Variants in MAGI2 observed in about 807,000 individuals in gnomAD.
MAGI2 encodes membrane associated guanylate kinase, WW and PDZ domain containing 2.
Under a neutral mutation model 133.3 loss-of-function variants are expected in MAGI2, and 35 were observed. The ratio of observed to expected loss-of-function variants is 0.26; its 90% confidence interval spans 0.20 to 0.35. MAGI2 has a LOEUF of 0.35. MAGI2 is among the 10% of genes least tolerant of loss of function. The pLI is 1.00. For synonymous variants in MAGI2, 729 were observed against 710.6 expected, an observed-to-expected ratio of 1.03 and a Z score of -0.41; for missense variants, 1,636 against 1,863.4, an observed-to-expected ratio of 0.88 and a Z score of 2.25.
intron 2 of MAGI2, among the ~76,000 whole-genome samples, chr7:78,801,488 G>C (rs568310027): frequency 4.6e-5 from 7 of 152,140 alleles, no homozygotes; most frequent in Admixed American, 2.6e-4. Context: ...ATAATGTACT[G>C]TCTACCAACC....
chr7:78,947,827 T>C (rs1340087773), intron 2 of MAGI2, among the ~76,000 whole-genome samples: 1 of 152,102 alleles, frequency 6.6e-6, no homozygotes, highest in Non-Finnish European at 1.5e-5. Flanking sequence ...GTTTGTTAGG[T>C]CAACTTGCTG....
intron 16 of MAGI2, among the ~76,000 whole-genome samples, chr7:78,149,143 C>T (rs554120361): frequency 1.3e-5 from 2 of 152,246 alleles, no homozygotes; most frequent in East Asian, 3.9e-4. Flanking sequence ...CGGGTCATGC[C>T]AGCCTCATTT....
intron 9 of MAGI2, among the ~76,000 whole-genome samples, chr7:78,324,126 C>T (rs1010795397): frequency 6.8e-6 from 1 of 147,566 alleles, no homozygotes; most frequent in African/African-American, 2.5e-5. Context: ...AAATAATTGA[C>T]ACACTACACT....
intron 2 of MAGI2, among the ~76,000 whole-genome samples, chr7:78,894,982 A>G (rs1040985733): frequency 2.0e-5 from 3 of 152,300 alleles, no homozygotes; most frequent in African/African-American, 7.2e-5. Flanking sequence ...TGTAACTGAC[A>G]CTGAAATTTA....
In MAGI2 at chr7:78,873,316, C is replaced by T. The variant is rs556859550; in HGVS notation, c.418+133774G>A. Among the ~76,000 whole-genome samples, 5 of 152,282 alleles carry T rather than the reference C, an allele frequency of 3.3e-5. No individual in the cohort carries two copies. In the East Asian group the frequency reaches 9.7e-4, roughly 29 times the overall value. ...GTGGCCTGTTAGGAATCTGGCTGCA[C>T]AGCAGGAGGTGAGCTGCGGGTGAGA... On this transcript the variant is annotated intron_variant, in intron 2 of 21. Transcript: ENST00000354212.
intron 1 of MAGI2, among the ~76,000 whole-genome samples, chr7:79,362,465 T>A (rs1343398182): frequency 6.6e-6 from 1 of 152,058 alleles, no homozygotes; most frequent in Non-Finnish European, 1.5e-5. Flanking sequence ...TTTTAACGAA[T>A]CCCTTTGAGA....
intron 10 of MAGI2, among the ~76,000 whole-genome samples, chr7:78,244,058 T>TCA (rs148861993): frequency 0.033 from 4,958 of 150,116 alleles, 125 homozygotes; most frequent in Non-Finnish European, 0.045. Context: ...GCATGGTGGC[T>TCA]CACACCTGGA....
intron 3 of MAGI2, among the ~76,000 whole-genome samples, chr7:78,523,811 T>C (rs1018588107): frequency 1.3e-5 from 2 of 152,016 alleles, no homozygotes; most frequent in Middle Eastern, 3.2e-3. Flanking sequence ...TTATGGGGAT[T>C]ACAATTCAAG....
intron 21 of MAGI2, among the ~76,000 whole-genome samples, chr7:78,042,786 T>C (rs920503362): frequency 6.6e-6 from 1 of 152,238 alleles, no homozygotes. Flanking sequence ...ACTGAATCTC[T>C]TGGAATTACT....
intron 1 of MAGI2, among the ~76,000 whole-genome samples, chr7:79,073,414 C>T (rs1485767856): frequency 6.6e-6 from 1 of 152,072 alleles, no homozygotes; most frequent in Non-Finnish European, 1.5e-5. Flanking sequence ...TTAACTGAGA[C>T]TTGATTGTTA....
At chr7:78,445,664 A>C (rs1788060188) in intron 6 of MAGI2, among the ~76,000 whole-genome samples, 1 of 152,080 alleles carries the variant, frequency 6.6e-6, no homozygotes. Flanking sequence ...CATGTTCTGG[A>C]AAATTATAAT....
At chr7:79,414,303 C>T (rs901382866) in intron 1 of MAGI2, 4 of 152,150 alleles carry the variant, frequency 2.6e-5, no homozygotes, top group African/African-American at 9.7e-5. Context: ...TGACCTTCCT[C>T]TCTCAAGTTG....
chr7:78,603,425 G>A (rs1213276638), intron 3 of MAGI2, among the ~76,000 whole-genome samples: 1 of 152,170 alleles, frequency 6.6e-6, no homozygotes, highest in Admixed American at 6.5e-5. Flanking sequence ...GAGACAACAA[G>A]ACCTGTATGA....
At chr7:78,183,993 C>G (rs951183608) in intron 13 of MAGI2, among the ~76,000 whole-genome samples, 21 of 152,042 alleles carry the variant, frequency 1.4e-4, no homozygotes, top group African/African-American at 5.1e-4. Context: ...CGTAATATAC[C>G]CCAACTATAT....
intron 9 of MAGI2, among the ~76,000 whole-genome samples, chr7:78,339,241 C>T (rs886307491): frequency 2.0e-5 from 3 of 152,162 alleles, no homozygotes; most frequent in Admixed American, 1.3e-4. Context: ...AAGTTAAATG[C>T]ATAGAGGACT....
intron 1 of MAGI2, among the ~76,000 whole-genome samples, chr7:79,435,879 G>A (rs1848104493): frequency 6.6e-6 from 1 of 152,120 alleles, no homozygotes; most frequent in Admixed American, 6.6e-5. Flanking sequence ...TAATGCTACA[G>A]TAATCCAAAC....
At chr7:79,245,501 C>T (rs1210573493) in intron 1 of MAGI2, among the ~76,000 whole-genome samples, 1 of 152,186 alleles carries the variant, frequency 6.6e-6, no homozygotes, top group Non-Finnish European at 1.5e-5. Context: ...GCAGTACTCT[C>T]TACAAGTTCG....
intron 9 of MAGI2, among the ~76,000 whole-genome samples, chr7:78,276,498 C>T (rs892127282): frequency 6.6e-6 from 1 of 151,954 alleles, no homozygotes; most frequent in Non-Finnish European, 1.5e-5. Flanking sequence ...GGAATACTAA[C>T]ATAAACTTCA....
chr7:78,814,126 G>A (rs183171558), intron 2 of MAGI2, among the ~76,000 whole-genome samples: 1 of 152,274 alleles, frequency 6.6e-6, no homozygotes, highest in Non-Finnish European at 1.5e-5. Context: ...AAGCCAACTT[G>A]TAGATCTAAT....
Sources: gnomAD v4.1 joint callset for allele counts (sites outside exome capture counted in the v4.1 genomes callset) on GRCh38, gnomAD v4.1.1 for gene constraint, MANE v1.5 for transcripts, NCBI Gene and HGNC (gene_info 2026-07-23, HGNC 2026-07-21) for gene names.